The following OPHN1 variants were observed in gnomAD, a reference collection of about 807,000 sequenced individuals.
OPHN1 encodes the protein oligophrenin 1.
In OPHN1, 11 loss-of-function variants were observed where a neutral mutation model predicts 60.7. The observed-to-expected ratio is 0.18, with a 90% CI of 0.11 to 0.30. The LOEUF (loss-of-function observed/expected upper bound fraction) is 0.30. Among genes scored for constraint, OPHN1 ranks in the 10% least tolerant of loss-of-function variants. The pLI, the probability that OPHN1 is intolerant of heterozygous loss-of-function variation, is 1.00. For synonymous variants in OPHN1, 226 were observed against 222.6 expected (o/e 1.02, Z -0.14); for missense variants, 449 against 611.0 (o/e 0.73, Z 2.80).
At chrX:68,093,205 G>A (rs1353383313) in intron 19 of OPHN1, among the ~76,000 whole-genome samples, 3 of 110,962 alleles carry the variant, frequency 2.7e-5, no homozygotes, top group Non-Finnish European at 5.7e-5. Flanking sequence ...ATCTAGAGGT[G>A]GTAAAGTATA....
At position 68,377,332 on chromosome X, in the gene OPHN1, G is replaced by A. The variant is rs751168813; in HGVS notation, c.154+55535C>T. Reference sequence around the variant, plus strand: ...AGGATGGTCTTGATCTCCTGACCTCGTGATCCGCCCACCTCAGCCTCCCAA... The same window carrying A: ...AGGATGGTCTTGATCTCCTGACCTCATGATCCGCCCACCTCAGCCTCCCAA... On this transcript the variant is annotated intron_variant, in intron 2 of 24. Transcript: ENST00000355520. Among the ~76,000 whole-genome samples the A allele has an allele frequency of 3.1e-3, 341 of 109,228 alleles. 1 individual carries two copies. The highest frequency in any genetic ancestry group is 5.6e-3 in the Non-Finnish European group (294 of 52,582). The allele number at this position is 109,228 out of a possible 115,157, so 94.9% of individuals were successfully genotyped here. A position where few individuals can be genotyped will look rare whatever the true frequency, so the allele number is the denominator to read the frequency against.
chrX:68,151,635 C>T (rs12011480), intron 15 of OPHN1, among the ~76,000 whole-genome samples: 23,029 of 110,683 alleles, frequency 0.21, 1,998 homozygotes, highest in Middle Eastern at 0.31. Context: ...TCACCATATA[C>T]TCACAATCAA....
intron 18 of OPHN1, among the ~76,000 whole-genome samples, chrX:68,104,331 A>G (rs1409217526): frequency 8.9e-6 from 1 of 111,928 alleles, no homozygotes; most frequent in East Asian, 2.8e-4. Flanking sequence ...TTTCATATGG[A>G]ACCAAAAAAG....
intron 2 of OPHN1, among the ~76,000 whole-genome samples, chrX:68,301,168 G>T (rs760221096): frequency 9.0e-6 from 1 of 111,531 alleles, no homozygotes; most frequent in Non-Finnish European, 1.9e-5. Flanking sequence ...ACAAGCAGCC[G>T]GGTGTGGTGG....
chrX:68,073,603 C>T (rs2147371371), intron 19 of OPHN1, among the ~76,000 whole-genome samples: 1 of 112,011 alleles, frequency 8.9e-6, no homozygotes, highest in Admixed American at 9.5e-5. Context: ...CAAGTCACCT[C>T]ACTTCTCTGA....
At chrX:68,140,851 G>A (rs188154697) in intron 15 of OPHN1, among the ~76,000 whole-genome samples, 8 of 111,041 alleles carry the variant, frequency 7.2e-5, no homozygotes, top group African/African-American at 2.0e-4. Context: ...GCTGAGCATC[G>A]AAGACTACTG....
rs1462228333 is a variant in OPHN1 at position 68,340,701 on chromosome X, T to C, written c.155-41605A>G. Among the ~76,000 whole-genome samples, 7 of 111,410 alleles carry C rather than the reference T, an allele frequency of 6.3e-5. No homozygotes were observed. In the Admixed American group the frequency reaches 6.7e-4, roughly 11 times the overall value. On this transcript the variant is annotated intron_variant, in intron 2 of 24. Coordinates refer to ENST00000355520, the MANE Select transcript of OPHN1 (RefSeq NM_002547.3). ...AAGGAACAAGAGAAAAAAAAATAGT[T>C]TTAAAAATGAAGAACTGGCCGGGCA...
At chrX:68,268,993 TC>T (rs1030169967) in intron 5 of OPHN1, among the ~76,000 whole-genome samples, 7 of 111,048 alleles carry the variant, frequency 6.3e-5, no homozygotes, top group Non-Finnish European at 1.3e-4. Context: ...CACAATTGCT[TC>T]AAAGAGAATA....
At chrX:68,321,702 T>A (rs1467792227) in intron 2 of OPHN1, among the ~76,000 whole-genome samples, 1 of 111,509 alleles carries the variant, frequency 9.0e-6, no homozygotes, top group Non-Finnish European at 1.9e-5. Flanking sequence ...CCAAGGCAGG[T>A]GGATCACCTG....
intron 5 of OPHN1, among the ~76,000 whole-genome samples, chrX:68,236,615 A>T (rs2147526627): frequency 8.9e-6 from 1 of 111,778 alleles, no homozygotes; most frequent in African/African-American, 3.3e-5. Context: ...GGATTTTCCT[A>T]TTCTACATCT....
intron 15 of OPHN1, among the ~76,000 whole-genome samples, chrX:68,130,071 T>C (rs2077187588): frequency 1.8e-5 from 2 of 111,485 alleles, no homozygotes; most frequent in Non-Finnish European, 3.8e-5. Flanking sequence ...ATAACACAAG[T>C]GTGTGTCCTA....
At chrX:68,350,940 TTTTG>T (rs1283903152) in intron 2 of OPHN1, among the ~76,000 whole-genome samples, 2 of 111,398 alleles carry the variant, frequency 1.8e-5, no homozygotes, top group African/African-American at 6.5e-5. Flanking sequence ...TTTTGTTTTG[TTTTG>T]TTTGAGATGA....
Position 68,237,753 on chromosome X carries a change from C to T in OPHN1, c.385-3165G>A, listed in dbSNP as rs184255816. Among the ~76,000 whole-genome samples, 18 of 110,231 alleles carry T rather than the reference C, an allele frequency of 1.6e-4. 1 individual carries two copies. The highest frequency in any genetic ancestry group is 3.4e-4 in the Non-Finnish European group (18 of 52,616). Reference sequence around the variant, plus strand: ...ATGTTGTTGAACTCCTTCATTAGTTCTGTGTGTGTGTGTATGTGTTTGTGT... The same window carrying T: ...ATGTTGTTGAACTCCTTCATTAGTTTTGTGTGTGTGTGTATGTGTTTGTGT... On this transcript the variant is annotated intron_variant, in intron 5 of 24. Transcript: ENST00000355520.
intron 15 of OPHN1, among the ~76,000 whole-genome samples, chrX:68,191,807 A>G (rs1319179272): frequency 8.9e-6 from 1 of 111,872 alleles, no homozygotes; most frequent in Non-Finnish European, 1.9e-5. Flanking sequence ...GTACCAGAGA[A>G]GAGTGAGCTA....
intron 2 of OPHN1, among the ~76,000 whole-genome samples, chrX:68,422,850 G>GAAAAGAAAAGAA (rs780318291): frequency 9.2e-6 from 1 of 108,449 alleles, no homozygotes; most frequent in African/African-American, 3.4e-5. Flanking sequence ...AAGGAAAAGA[G>GAAAAGAAAAGAA]AAAAGAAAAG....
At position 68,213,950 on chromosome X, in the gene OPHN1, T is replaced by A; in HGVS notation, c.509A>T (p.Glu170Val). 1.7e-6 allele frequency: 2 copies of A among 1,188,969 alleles called. No homozygotes were observed. Among genetic ancestry groups the A allele is most frequent in the Non-Finnish European group, 2.3e-6 (2 of 876,031 alleles). ...AGAGGACTCGAAAAAATTGTGCCTC[T>A]CCTTGTCCACCTGTAGGTCTGCCTG... is the stretch of plus-strand genomic sequence containing the variant. ...LQEADLQVDKERHNFFESSLD... is the reference protein window; with the variant it reads ...LQEADLQVDKVRHNFFESSLD... Residue 170 changes from glutamate to valine, a missense_variant, in exon 7 of 25, where the codon GAG becomes GTG. This residue lies in a region of OPHN1 where 99 missense variants were observed against 155.2 expected (regional missense o/e 0.64). Coordinates refer to ENST00000355520, the MANE Select transcript of OPHN1 (RefSeq NM_002547.3).
chrX:68,319,454 G>T (rs1400713778), intron 2 of OPHN1, among the ~76,000 whole-genome samples: 1 of 111,184 alleles, frequency 9.0e-6, no homozygotes, highest in Non-Finnish European at 1.9e-5. Context: ...AAAAAAAAAT[G>T]ACTGGGCATG....
At chrX:68,284,020 A>C (rs2078029965) in intron 3 of OPHN1, among the ~76,000 whole-genome samples, 1 of 111,588 alleles carries the variant, frequency 9.0e-6, no homozygotes, top group Non-Finnish European at 1.9e-5. Context: ...AGAAAAGATA[A>C]ACACCATACT....
chrX:68,245,561 A>G (rs939870307), intron 5 of OPHN1, among the ~76,000 whole-genome samples: 9 of 111,639 alleles, frequency 8.1e-5, no homozygotes, highest in Non-Finnish European at 1.1e-4. Context: ...GAGACAGGGT[A>G]GATTAAGAAC....
Sources: allele counts gnomAD v4.1 joint callset (sites outside exome capture counted in the v4.1 genomes callset), GRCh38; gene constraint gnomAD v4.1.1; regional missense constraint gnomAD v4.1.1; transcripts MANE v1.5; gene names NCBI Gene and HGNC (gene_info 2026-07-23, HGNC 2026-07-21).